LRP1B: variants seen among roughly 807,000 people sequenced by gnomAD.
LRP1B encodes the protein LDL receptor related protein 1B.
Under a neutral mutation model 556.6 loss-of-function variants are expected in LRP1B, and 217 were observed. The observed-to-expected ratio is 0.39, with a 90% CI of 0.35 to 0.44. The LOEUF (loss-of-function observed/expected upper bound fraction) is 0.44, where lower values mean the gene tolerates loss of function less well. Among genes scored for constraint, LRP1B ranks in the 20% least tolerant of loss-of-function variants. The pLI is 1.00. For missense variants in LRP1B, 5,053 were observed against 5,620.8 expected (o/e 0.90, Z 3.23); for synonymous variants, 2,047 against 1,865.8 (o/e 1.10, Z -2.50).
chr2:141,843,297 G>T (rs545755307), intron 1 of LRP1B, among the ~76,000 whole-genome samples: 1 of 152,262 alleles, frequency 6.6e-6, no homozygotes, highest in African/African-American at 2.4e-5. Flanking sequence ...ACATTGGGAA[G>T]TTAGGGGTTG....
intron 1 of LRP1B, among the ~76,000 whole-genome samples, chr2:142,095,821 T>C (rs1251331111): frequency 6.6e-6 from 1 of 151,828 alleles, no homozygotes; most frequent in Non-Finnish European, 1.5e-5. Flanking sequence ...AGAAAACCCC[T>C]AGGTTTATTG....
At chr2:140,772,126 C>T (rs973753038) in intron 33 of LRP1B, among the ~76,000 whole-genome samples, 10 of 152,232 alleles carry the variant, frequency 6.6e-5, no homozygotes, top group African/African-American at 2.2e-4. Context: ...TATGTAGGGC[C>T]ATTATATGGC....
intron 1 of LRP1B, among the ~76,000 whole-genome samples, chr2:142,068,870 G>A (rs1372649421): frequency 6.6e-6 from 1 of 151,574 alleles, no homozygotes; most frequent in Non-Finnish European, 1.5e-5. Context: ...TATTTAAATT[G>A]TTATTTCATC....
intron 11 of LRP1B, among the ~76,000 whole-genome samples, chr2:141,033,620 A>C (rs1698442901): frequency 6.6e-6 from 1 of 151,972 alleles, no homozygotes; most frequent in African/African-American, 2.4e-5. Flanking sequence ...TTGGGAGGTA[A>C]TTAGGCTTAG....
At chr2:141,611,977 T>A (rs924920267) in intron 2 of LRP1B, among the ~76,000 whole-genome samples, 4 of 152,196 alleles carry the variant, frequency 2.6e-5, no homozygotes, top group African/African-American at 9.6e-5. Context: ...AAAATGTAGT[T>A]CATAGCCTAG....
intron 3 of LRP1B, among the ~76,000 whole-genome samples, chr2:141,432,381 A>G (rs1287265358): frequency 6.6e-6 from 1 of 151,936 alleles, no homozygotes; most frequent in Admixed American, 6.6e-5. Flanking sequence ...TTCATAAGGG[A>G]TATTGGTCTG....
At chr2:141,476,746 AC>A (rs1213825064) in intron 3 of LRP1B, among the ~76,000 whole-genome samples, 17 of 152,164 alleles carry the variant, frequency 1.1e-4, no homozygotes, top group African/African-American at 3.9e-4. Context: ...CCAGAACATC[AC>A]CCCCAAAATT....
At chr2:141,258,490 AAG>A (rs1234116391) in intron 3 of LRP1B, among the ~76,000 whole-genome samples, 1 of 152,212 alleles carries the variant, frequency 6.6e-6, no homozygotes. Context: ...AATAAATAAA[AAG>A]AGAGAAGATA....
intron 32 of LRP1B, among the ~76,000 whole-genome samples, chr2:140,805,021 C>T (rs1046741447): frequency 6.6e-6 from 1 of 151,786 alleles, no homozygotes; most frequent in Non-Finnish European, 1.5e-5. Context: ...CAAGGGCTCC[C>T]TAAAAGACAA....
At chr2:141,549,274 G>GA in intron 2 of LRP1B, among the ~76,000 whole-genome samples, 1 of 152,030 alleles carries the variant, frequency 6.6e-6, no homozygotes. Flanking sequence ...TTATCGTGAG[G>GA]AAAAAATAAG....
chr2:140,233,480 T>C (rs1208197130), intron 90 of LRP1B, among the ~76,000 whole-genome samples, 154 bp from the exon 91 acceptor site: 2 of 151,334 alleles, frequency 1.3e-5, no homozygotes, highest in African/African-American at 4.8e-5. Flanking sequence ...ATTTACATGT[T>C]ACATTTACAG....
intron 12 of LRP1B, among the ~76,000 whole-genome samples, chr2:141,018,820 T>C (rs1193972420): frequency 6.6e-6 from 1 of 152,108 alleles, no homozygotes; most frequent in Non-Finnish European, 1.5e-5. Context: ...AATTATGCCC[T>C]ATGAAACACT....
chr2:141,517,259 T>TACACACACACACACACACACATACAC (rs71281835), intron 2 of LRP1B, among the ~76,000 whole-genome samples: 25 of 141,434 alleles, frequency 1.8e-4, no homozygotes, highest in Admixed American at 7.9e-4. Context: ...AGGACAAGAA[T>TACACACACACACACACACACATACAC]ACGCACACAC....
chr2:141,731,547 A>G (rs1373502761), intron 2 of LRP1B, among the ~76,000 whole-genome samples: 1 of 152,160 alleles, frequency 6.6e-6, no homozygotes, highest in Non-Finnish European at 1.5e-5. Context: ...CCTAAAGCTC[A>G]GAGGAAAAGA....
intron 32 of LRP1B, among the ~76,000 whole-genome samples, chr2:140,786,683 T>G (rs569080188): frequency 6.6e-6 from 1 of 152,328 alleles, no homozygotes; most frequent in African/African-American, 2.4e-5. Flanking sequence ...GCCCAGAATT[T>G]GCTTTCAAGC....
At chr2:141,700,685 A>C (rs1691911568) in intron 2 of LRP1B, among the ~76,000 whole-genome samples, 1 of 151,780 alleles carries the variant, frequency 6.6e-6, no homozygotes, top group African/African-American at 2.4e-5. Context: ...TGAGTCATAG[A>C]AACCAGAATC....
intron 6 of LRP1B, among the ~76,000 whole-genome samples, chr2:141,193,926 C>T (rs756129486): frequency 2.6e-5 from 4 of 151,918 alleles, no homozygotes; most frequent in Non-Finnish European, 4.4e-5. Flanking sequence ...TGCTTAGGTC[C>T]CCTTCTCTAT....
At chr2:141,164,923 T>C (rs142000985) in intron 7 of LRP1B, among the ~76,000 whole-genome samples, 14 of 152,174 alleles carry the variant, frequency 9.2e-5, no homozygotes, top group African/African-American at 3.4e-4. Flanking sequence ...TTTTAATTTA[T>C]GTTTCACCAA....
At chr2:141,818,531 C>CTTTTTTTTTTTTTTTTT (rs70994453) in intron 1 of LRP1B, among the ~76,000 whole-genome samples, 1 of 82,070 alleles carries the variant, frequency 1.2e-5, no homozygotes, top group Non-Finnish European at 2.1e-5. Context: ...ATTTCTGTAT[C>CTTTTTTTTTTTTTTTTT]TTTTTTTTTT....
Sources: gnomAD v4.1 joint callset for allele counts (sites outside exome capture counted in the v4.1 genomes callset) on GRCh38, gnomAD v4.1.1 for gene constraint, MANE v1.5 for transcripts, NCBI Gene and HGNC (gene_info 2026-07-23, HGNC 2026-07-21) for gene names.